PCNX2: variants seen among roughly 807,000 people sequenced by gnomAD.
PCNX2 encodes the protein pecanex-like protein 2.
PCNX2 carries 168 observed loss-of-function variants against 223.8 expected under a neutral mutation model. The observed-to-expected ratio is 0.75, with a 90% CI of 0.66 to 0.85. PCNX2 has a LOEUF of 0.85. Among genes scored for constraint, PCNX2 ranks in the 40% least tolerant of loss-of-function variants. PCNX2 has a pLI of 0.00. For synonymous variants in PCNX2, 1,006 were observed against 1,052.6 expected (o/e 0.96, Z 0.86); for missense variants, 2,507 against 2,675.5 (o/e 0.94, Z 1.39).
chr1:233,168,779 A>G (rs1041198571), intron 17 of PCNX2, among the ~76,000 whole-genome samples: 13 of 152,110 alleles, frequency 8.5e-5, no homozygotes, highest in Non-Finnish European at 1.8e-4. Flanking sequence ...TTGATAAATT[A>G]TGCTTTTCCA....
intron 1 of PCNX2, among the ~76,000 whole-genome samples, chr1:233,273,220 T>A (rs1254009709): frequency 6.6e-6 from 1 of 151,272 alleles, no homozygotes; most frequent in Non-Finnish European, 1.5e-5. Flanking sequence ...TTAAAATCAG[T>A]AATAATCATT....
At chr1:233,231,173 T>C (rs1422004676) in intron 9 of PCNX2, among the ~76,000 whole-genome samples, 1 of 152,060 alleles carries the variant, frequency 6.6e-6, no homozygotes, top group Non-Finnish European at 1.5e-5. Context: ...CTTTCTACAA[T>C]CATGCTTAAG....
intron 13 of PCNX2, 118 bp downstream of exon 13, chr1:233,208,400 G>A: frequency 1.8e-6 from 2 of 1,129,200 alleles, no homozygotes; most frequent in Non-Finnish European, 2.5e-6. Context: ...CAAGCCAAGA[G>A]GAAAGTGCAC....
intron 1 of PCNX2, among the ~76,000 whole-genome samples, chr1:233,279,847 T>C (rs1015241235): frequency 6.6e-6 from 1 of 152,220 alleles, no homozygotes; most frequent in East Asian, 1.9e-4. Context: ...TAAAGTCATA[T>C]GAAACAGATT....
chr1:233,025,016 G>T, intron 26 of PCNX2, 130 bp downstream of exon 26: 1 of 1,271,202 alleles, frequency 7.9e-7, no homozygotes, highest in South Asian at 1.5e-5. Context: ...TGGTTCCCCA[G>T]ATGGCTGGGT....
chr1:233,185,084 AACACACACACACACACACACAC>A (rs60719299), intron 15 of PCNX2, among the ~76,000 whole-genome samples: 1 of 141,718 alleles, frequency 7.1e-6, no homozygotes, highest in Non-Finnish European at 1.5e-5. Flanking sequence ...TACATACATA[AACACACACACACACACACACAC>A]ACACACACAC....
At chr1:233,318,568 T>TCTTTTTTC in the PCNX2 span, among the ~76,000 whole-genome samples, 1 of 140,458 alleles carries the variant, frequency 7.1e-6, no homozygotes, top group South Asian at 2.6e-4. Context: ...TTTTTCTTTT[T>TCTTTTTTC]TTTTTTTTTT....
Position 232,998,257 on chromosome 1 carries a change from T to C in PCNX2, c.5785A>G (p.Arg1929Gly). ...AGGCCCCTGCTGCACCCACCTGTTC[T>C]CTGTGTCCCTTCACAGGATGACACC... ...HGVSSCEGTQ[R>G]TGRRKGRSQS... is the part of the protein sequence containing the mutation. Residue 1929 changes from arginine (R) to glycine (G), a missense_variant, in exon 32 of 34, where the codon AGA (arginine) becomes GGA (glycine). By Grantham distance (125) the Arg-to-Gly change is moderately radical. Coordinates refer to ENST00000258229, the MANE Select transcript of PCNX2 (RefSeq NM_014801.4). 6.4e-7 allele frequency: 1 copy of C among 1,572,312 alleles called. No individual in the cohort carries two copies. The highest frequency in any genetic ancestry group is 8.6e-7 in the Non-Finnish European group (1 of 1,159,348).
chr1:233,145,920 C>T (rs1415545993), intron 19 of PCNX2, among the ~76,000 whole-genome samples: 1 of 152,106 alleles, frequency 6.6e-6, no homozygotes, highest in Non-Finnish European at 1.5e-5. Flanking sequence ...GCCAGGTGCT[C>T]TGTATATACT....
chr1:233,165,358 T>C (rs1448997037), intron 17 of PCNX2, among the ~76,000 whole-genome samples: 4 of 152,114 alleles, frequency 2.6e-5, no homozygotes, highest in Non-Finnish European at 5.9e-5. Flanking sequence ...TTTTTACAAT[T>C]TGAGGAAGGG....
Position 233,057,265 on chromosome 1 carries a change from T to C in PCNX2, c.4102A>G (p.Thr1368Ala). The part of the protein sequence containing the change: ...YNTRRVDNSN[T>A]RLAVQIERDP... ...CTTTCAATTTGGACTGCCAGTCTTG[T>C]GTTGGAATTATCCACTCGCCTTGTA... is the stretch of plus-strand genomic sequence containing the variant. Residue 1368 changes from threonine to alanine, a missense_variant, in exon 24 of 34, where the codon ACA becomes GCA. Around this residue, in one of 3 missense-constraint regions of PCNX2, gnomAD observed 1,372 missense variants for 1,509.4 expected, o/e 0.91. Transcript: ENST00000258229. 6.2e-7 allele frequency: 1 copy of C among 1,610,722 alleles called. No homozygotes were observed. The highest frequency in any genetic ancestry group is 8.5e-7 in the Non-Finnish European group (1 of 1,177,920).
chr1:233,121,920 C>T (rs184007545), intron 21 of PCNX2, among the ~76,000 whole-genome samples: 27 of 152,050 alleles, frequency 1.8e-4, no homozygotes, highest in Admixed American at 9.2e-4. Flanking sequence ...GCAATGACAC[C>T]CCAGTATCAA....
At chr1:233,025,064 T>C (rs1472447615) in intron 26 of PCNX2, 82 bp downstream of exon 26, 1 of 1,545,066 alleles carries the variant, frequency 6.5e-7, no homozygotes, top group African/African-American at 1.4e-5. Flanking sequence ...GCTTCAAAAT[T>C]TAGCTTTCGA....
At chr1:233,210,852 T>C (rs987092756) in intron 12 of PCNX2, among the ~76,000 whole-genome samples, 2 of 152,188 alleles carry the variant, frequency 1.3e-5, no homozygotes, top group Non-Finnish European at 2.9e-5. Flanking sequence ...CTTGCAAGGC[T>C]ATTGCACAAA....
At chr1:233,199,833 C>T (rs971957004) in intron 14 of PCNX2, among the ~76,000 whole-genome samples, 8 of 151,986 alleles carry the variant, frequency 5.3e-5, no homozygotes, top group Admixed American at 3.9e-4. Context: ...TATATCCACT[C>T]ACACATGCTC....
At chr1:233,158,053 A>G (rs1405490568) in intron 19 of PCNX2, among the ~76,000 whole-genome samples, 1 of 152,054 alleles carries the variant, frequency 6.6e-6, no homozygotes, top group Admixed American at 6.6e-5. Flanking sequence ...ACACAAACAC[A>G]CTCACTTTAC....
At chr1:233,229,545 A>G (rs1657936322) in intron 9 of PCNX2, among the ~76,000 whole-genome samples, 1 of 152,192 alleles carries the variant, frequency 6.6e-6, no homozygotes, top group African/African-American at 2.4e-5. Flanking sequence ...ACAGGAGCCC[A>G]TGGTTTACTG....
rs1423501829 is a variant in PCNX2, at chr1:232,986,507, G to C, written c.5825C>G (p.Ala1942Gly). Residue 1942 changes from alanine to glycine, a missense_variant, in exon 33 of 34, where the codon GCA becomes GGA. By Grantham distance (60) the Ala-to-Gly change is moderately conservative. This residue lies in a region of PCNX2 where 1,372 missense variants were observed against 1,509.4 expected (regional missense o/e 0.91). Transcript: ENST00000258229. Reference sequence around the variant, plus strand: ...CGGCCTTTGGCTTAGCGCTGAGTGTGCCTGCACGGACTGGCTCCTGCCTTT... The same window carrying C: ...CGGCCTTTGGCTTAGCGCTGAGTGTCCCTGCACGGACTGGCTCCTGCCTTT... ...RRKGRSQSVQ[A>G]HSALSQRPPM... is the part of the protein sequence containing the mutation. 2 of 1,558,624 alleles carry C rather than the reference G, an allele frequency of 1.3e-6. No individual in the cohort carries two copies. Among genetic ancestry groups the C allele is most frequent in the Non-Finnish European group, 8.7e-7 (1 of 1,151,006 alleles).
At chr1:233,314,496 A>G in the PCNX2 span, among the ~76,000 whole-genome samples, 1 of 152,210 alleles carries the variant, frequency 6.6e-6, no homozygotes, top group Non-Finnish European at 1.5e-5. Flanking sequence ...CTACGTGGAA[A>G]ACATTTAAAA....
Sources: gnomAD v4.1 joint callset for allele counts (sites outside exome capture counted in the v4.1 genomes callset) on GRCh38, gnomAD v4.1.1 for gene constraint, gnomAD v4.1.1 regional missense constraint, MANE v1.5 for transcripts, NCBI Gene and HGNC (gene_info 2026-07-23, HGNC 2026-07-21) for gene names.